Variants in ADAMTS20 observed in about 807,000 individuals in gnomAD.
The protein encoded by ADAMTS20 is ADAM metallopeptidase with thrombospondin type 1 motif 20.
A neutral mutation model predicts 260.1 loss-of-function variants in ADAMTS20; 225 were observed. The observed-to-expected ratio is 0.87, with a 90% CI of 0.78 to 0.97. The LOEUF is 0.97. Ranked by LOEUF, ADAMTS20 falls within the 50% of genes least tolerant of loss-of-function variation. The pLI, the probability that ADAMTS20 is intolerant of heterozygous loss-of-function variation, is 0.00. For missense variants in ADAMTS20, 2,400 were observed against 2,337.7 expected (o/e 1.03, Z -0.55); for synonymous variants, 802 against 769.5 (o/e 1.04, Z -0.70).
At chr12:43,356,858 T>C (rs1939757145) in intron 37 of ADAMTS20, among the ~76,000 whole-genome samples, 1 of 152,236 alleles carries the variant, frequency 6.6e-6, no homozygotes, top group Non-Finnish European at 1.5e-5. Flanking sequence ...TGACCCTTCA[T>C]TGCTAACTTC....
intron 28 of ADAMTS20, among the ~76,000 whole-genome samples, chr12:43,402,286 A>T (rs893283185): frequency 6.6e-6 from 1 of 152,024 alleles, no homozygotes; most frequent in Non-Finnish European, 1.5e-5. Context: ...TTACTTAAAA[A>T]TTTTAAATTC....
chr12:43,376,056 C>T lies in ADAMTS20; in HGVS notation c.5312+1G>A, dbSNP rs774360431. On this transcript the variant is annotated splice_donor_variant, in intron 35 of 38. Coordinates refer to ENST00000389420, the MANE Select transcript of ADAMTS20 (RefSeq NM_025003.5). LOFTEE classifies it high-confidence loss of function. ...CAGATAGACCAAAACACATCTCGTA[C>T]CTAAAGCCATACACTTCAGAAAAGT... 1.3e-6 allele frequency: 2 copies of T among 1,598,304 alleles called. No individual in the cohort carries two copies. Among genetic ancestry groups the T allele is most frequent in the African/African-American group, 1.3e-5 (1 of 74,154 alleles).
At chr12:43,356,448 T>A (rs1939744347) in intron 38 of ADAMTS20, 36 bp downstream of exon 38, 1 of 1,370,054 alleles carries the variant, frequency 7.3e-7, no homozygotes, top group East Asian at 2.4e-5. Flanking sequence ...AGCTCAGAAG[T>A]ATTTCAAACA....
At chr12:43,366,796 T>C (rs998609554) in intron 37 of ADAMTS20, among the ~76,000 whole-genome samples, 23 of 151,418 alleles carry the variant, frequency 1.5e-4, no homozygotes, top group South Asian at 2.1e-4. Flanking sequence ...AACAAAAGAA[T>C]CGATTAAAGG....
chr12:43,505,292 C>CCT (rs1942825789), intron 3 of ADAMTS20, among the ~76,000 whole-genome samples: 1 of 152,048 alleles, frequency 6.6e-6, no homozygotes, highest in Non-Finnish European at 1.5e-5. Flanking sequence ...ACAAATGGGA[C>CCT]TACATCAAAC....
chr12:43,505,605 CT>C (rs1326527530), intron 3 of ADAMTS20, among the ~76,000 whole-genome samples: 1 of 152,130 alleles, frequency 6.6e-6, no homozygotes, highest in East Asian at 1.9e-4. Context: ...ATAAGAATGG[CT>C]ACTATTAAAC....
chr12:43,355,042 ACTC>A (rs957654559), intron 38 of ADAMTS20, among the ~76,000 whole-genome samples: 17 of 152,178 alleles, frequency 1.1e-4, no homozygotes, highest in Non-Finnish European at 2.5e-4. Flanking sequence ...AATAGGTTGA[ACTC>A]CTATCATATC....
chr12:43,424,669 C>A (rs1187807632), intron 28 of ADAMTS20, among the ~76,000 whole-genome samples: 1 of 151,890 alleles, frequency 6.6e-6, no homozygotes, highest in African/African-American at 2.4e-5. Context: ...CAAGACACAG[C>A]CTTAATTTGC....
intron 2 of ADAMTS20, among the ~76,000 whole-genome samples, chr12:43,539,726 T>C (rs1457178683): frequency 6.6e-6 from 1 of 152,164 alleles, no homozygotes; most frequent in Non-Finnish European, 1.5e-5. Flanking sequence ...CTGCCTTTTT[T>C]AAAAAGCATG....
intron 18 of ADAMTS20, among the ~76,000 whole-genome samples, chr12:43,434,863 C>T (rs923987): frequency 0.33 from 49,774 of 152,020 alleles, 8,736 homozygotes; most frequent in East Asian, 0.75. Context: ...TGAAAAGGAA[C>T]GTGACCTATT....
At chr12:43,431,717 GGTGCAAAACTAACC>G (rs1941446866) in intron 21 of ADAMTS20, among the ~76,000 whole-genome samples, 1 of 152,014 alleles carries the variant, frequency 6.6e-6, no homozygotes, top group African/African-American at 2.4e-5. Flanking sequence ...TAGAAACAAA[GGTGCAAAACTAACC>G]TTAGAATAAG....
At chr12:43,510,795 A>G (rs759254468) in intron 3 of ADAMTS20, among the ~76,000 whole-genome samples, 5 of 152,120 alleles carry the variant, frequency 3.3e-5, no homozygotes, top group Admixed American at 6.6e-5. Context: ...GGTGTATTCT[A>G]GAATGCAAGG....
At chr12:43,392,034 C>T (rs1294584984) in intron 29 of ADAMTS20, among the ~76,000 whole-genome samples, 1 of 152,044 alleles carries the variant, frequency 6.6e-6, no homozygotes, top group Non-Finnish European at 1.5e-5. Context: ...CTTACACTGA[C>T]CTTCATGTTA....
Position 43,452,671 on chromosome 12 carries a change from A to G in ADAMTS20, c.1785T>C (p.Cys595=). The G allele has an allele frequency of 2.5e-6, 4 of 1,609,018 alleles. 1 individual carries two copies. In the South Asian group the frequency reaches 4.4e-5, roughly 18 times the overall value. The change falls in exon 13 of 39, where the codon TGT becomes TGC. Residue 595 remains cysteine, a synonymous_variant. Coordinates refer to ENST00000389420, the MANE Select transcript of ADAMTS20 (RefSeq NM_025003.5). ...ATCGAAATTTCATCCTGCGGCCCAC[A>G]CAGTAATTTCCTCCGTTTCTTGGCC... The part of the protein sequence containing the change: ...RPEPRNGGNY[C]VGRRMKFRSC...
Position 43,353,924 on chromosome 12 carries a change from C to T in ADAMTS20, c.*285G>A. The T allele has an allele frequency of 4.5e-6, 1 of 219,840 alleles. No homozygotes were observed. The highest frequency in any genetic ancestry group is 1.0e-4 in the East Asian group (1 of 9,780). 13.6% of individuals were successfully genotyped at this position (219,840 alleles called of 1,614,324 possible). On this transcript the variant is annotated 3_prime_UTR_variant, in exon 39 of 39. Transcript: ENST00000389420. ...CCAGGCCAAGATGTTAAGAGCAACA[C>T]TGTCTTGGTATAATTCATTCAATCC...
intron 28 of ADAMTS20, among the ~76,000 whole-genome samples, chr12:43,406,624 C>G (rs527912292): frequency 6.6e-6 from 1 of 152,020 alleles, no homozygotes; most frequent in East Asian, 1.9e-4. Flanking sequence ...ATAACATTCT[C>G]TAAATAAAAC....
chr12:43,511,202 C>T (rs751548154), intron 3 of ADAMTS20, among the ~76,000 whole-genome samples: 1 of 152,072 alleles, frequency 6.6e-6, no homozygotes, highest in African/African-American at 2.4e-5. Flanking sequence ...AAATTAGACA[C>T]GGAGTCTCCC....
chr12:43,402,118 T>G (rs972867155), intron 28 of ADAMTS20, among the ~76,000 whole-genome samples: 16 of 151,972 alleles, frequency 1.1e-4, no homozygotes. Flanking sequence ...ATTTTCAACT[T>G]TTGTCACATG....
At chr12:43,450,581 C>T (rs1387237029) in intron 14 of ADAMTS20, among the ~76,000 whole-genome samples, 1 of 152,092 alleles carries the variant, frequency 6.6e-6, no homozygotes, top group Admixed American at 6.6e-5. Flanking sequence ...TCTCTTTGAA[C>T]ATCTCATTAG....
Sources: allele counts gnomAD v4.1 joint callset (sites outside exome capture counted in the v4.1 genomes callset), GRCh38; gene constraint gnomAD v4.1.1; transcripts MANE v1.5; gene names NCBI Gene and HGNC (gene_info 2026-07-23, HGNC 2026-07-21).